ARMC10: variants seen among roughly 807,000 people sequenced by gnomAD.
The protein encoded by ARMC10 is armadillo repeat containing 10.
Under a neutral mutation model 30.2 loss-of-function variants are expected in ARMC10, and 23 were observed. The observed-to-expected ratio is 0.76, with a 90% CI of 0.55 to 1.08. The LOEUF is 1.08. Among genes scored for constraint, ARMC10 ranks in the 50% least tolerant of loss-of-function variants. ARMC10 has a pLI of 0.00. For synonymous variants in ARMC10, 111 were observed against 164.4 expected (o/e 0.68, Z 2.48); for missense variants, 303 against 413.7 (o/e 0.73, Z 2.32).
intron 5 of ARMC10, chr7:103,097,056 A>G (rs1801815042): frequency 1.7e-6 from 1 of 571,806 alleles, no homozygotes; most frequent in Non-Finnish European, 3.1e-6. Flanking sequence ...ACACTGTTCT[A>G]TGATAGGTTC....
chr7:103,078,509 G>T (rs1249242977), intron 2 of ARMC10, among the ~76,000 whole-genome samples: 1 of 152,126 alleles, frequency 6.6e-6, no homozygotes, highest in Admixed American at 6.6e-5. Flanking sequence ...TAAGTTTCCT[G>T]AGGCCTCCCC....
intron 2 of ARMC10, chr7:103,083,109 A>G (rs187526200): frequency 6.6e-6 from 3 of 456,724 alleles, no homozygotes; most frequent in African/African-American, 4.0e-5. Context: ...TAAAAGGAGA[A>G]GCAAAATGTT....
At chr7:103,081,967 C>G in intron 2 of ARMC10, 1 of 456,172 alleles carries the variant, frequency 2.2e-6, no homozygotes, top group South Asian at 1.5e-5. Flanking sequence ...TACTAACTAC[C>G]CCTGTGACTT....
Position 103,092,585 on chromosome 7 carries a change from CAGCACATGCTT to C in ARMC10, c.638_648del (p.Gln213ProfsTer31). Reference sequence around the variant, plus strand: ...AAACATGACTGTTACCAATGACCACCAGCACATGCTTCACAGTTACATTACAGACCTGTTCC... The same window carrying C: ...AAACATGACTGTTACCAATGACCACCCACAGTTACATTACAGACCTGTTCC... On this transcript the variant is annotated frameshift_variant, in exon 5 of 7. Coordinates refer to ENST00000323716, the MANE Select transcript of ARMC10 (RefSeq NM_031905.5). LOFTEE classifies it high-confidence loss of function. The C allele has an allele frequency of 6.2e-7, 1 of 1,609,352 alleles. No homozygotes were observed. The highest frequency in any genetic ancestry group is 8.5e-7 in the Non-Finnish European group (1 of 1,176,190).
chr7:103,075,757 A>T lies in ARMC10; in HGVS notation c.140-20A>T, dbSNP rs751783559. 4 of 1,581,224 alleles carry T rather than the reference A, an allele frequency of 2.5e-6. No individual in the cohort carries two copies. The highest frequency in any genetic ancestry group is 1.8e-5 in the Admixed American group (1 of 56,188). On this transcript the variant is annotated intron_variant, in intron 1 of 6. Coordinates refer to ENST00000323716, the MANE Select transcript of ARMC10 (RefSeq NM_031905.5). Reference sequence around the variant, plus strand: ...GGGCTGTTGAGGGGCCCAGAGCCATAGGTCAATCTCTGCTTGCAGGTGCCC... The same window carrying T: ...GGGCTGTTGAGGGGCCCAGAGCCATTGGTCAATCTCTGCTTGCAGGTGCCC...
At chr7:103,086,802 T>C in intron 4 of ARMC10, 38 bp downstream of exon 4, 1 of 1,584,628 alleles carries the variant, frequency 6.3e-7, no homozygotes. Context: ...TAAGGTTTTC[T>C]ATAAATAAAA....
chr7:103,078,063 T>A lies in ARMC10; in HGVS notation c.244+2182T>A, dbSNP rs572018645. The stretch of plus-strand genomic sequence containing the variant: ...CAGGCTGGAGTGCAGTGGCATGATC[T>A]CAGCTCACTGCAACCGCCACCTCAT... On this transcript the variant is annotated intron_variant, in intron 2 of 6. Coordinates refer to ENST00000323716, the MANE Select transcript of ARMC10 (RefSeq NM_031905.5). Among the ~76,000 whole-genome samples the A allele has an allele frequency of 1.4e-4, 21 of 152,268 alleles. No homozygotes were observed. The South Asian group carries it at 3.9e-3, about 29-fold the overall frequency.
intron 4 of ARMC10, among the ~76,000 whole-genome samples, chr7:103,087,123 A>T (rs1482161234): frequency 6.6e-6 from 1 of 152,222 alleles, no homozygotes; most frequent in Non-Finnish European, 1.5e-5. Context: ...ATTACAAGAG[A>T]TTCATTCAGG....
At chr7:103,076,468 G>GAGTACGCTTTCA (rs1799841428) in intron 2 of ARMC10, among the ~76,000 whole-genome samples, 1 of 152,128 alleles carries the variant, frequency 6.6e-6, no homozygotes, top group Non-Finnish European at 1.5e-5. Flanking sequence ...GTACGCTTTC[G>GAGTACGCTTTCA]AACAGTAGGC....
intron 2 of ARMC10, among the ~76,000 whole-genome samples, chr7:103,076,246 A>G (rs915779383): frequency 3.3e-5 from 5 of 152,194 alleles, no homozygotes; most frequent in Admixed American, 6.5e-5. Context: ...ATAAAAAATA[A>G]TTTGTCCTTA....
Position 103,075,220 on chromosome 7 carries a change from C to T in ARMC10, c.-53C>T, listed in dbSNP as rs1054721747. 5.3e-6 allele frequency: 6 copies of T among 1,132,766 alleles called. No individual in the cohort carries two copies. Among genetic ancestry groups the T allele is most frequent in the Non-Finnish European group, 6.5e-6 (6 of 924,372 alleles). The allele number at this position is 1,132,766 out of a possible 1,614,324, so 70.2% of individuals were successfully genotyped here. ...GTGCGCTGGAGACCTCCGCGCTGGC[C>T]CCCGCGAGCCTCCTGCCCTGGCCCG... On this transcript the variant is annotated 5_prime_UTR_variant, in exon 1 of 7. Coordinates refer to ENST00000323716, the MANE Select transcript of ARMC10 (RefSeq NM_031905.5).
intron 2 of ARMC10, among the ~76,000 whole-genome samples, chr7:103,082,089 CCTTT>C (rs1800435039): frequency 6.6e-6 from 1 of 152,126 alleles, no homozygotes; most frequent in South Asian, 2.1e-4. Flanking sequence ...ATCATTCTTT[CCTTT>C]ATCTTTTCAA....
intron 6 of ARMC10, 138 bp from the exon 7 acceptor site, chr7:103,098,161 T>C: frequency 9.9e-7 from 1 of 1,008,130 alleles, no homozygotes; most frequent in East Asian, 3.3e-5. Flanking sequence ...ATTTTTTTAA[T>C]GTGAGATACA....
At chr7:103,081,427 A>G (rs913395243) in intron 2 of ARMC10, among the ~76,000 whole-genome samples, 9 of 152,252 alleles carry the variant, frequency 5.9e-5, no homozygotes, top group Non-Finnish European at 7.3e-5. Context: ...GCTGGAGTGC[A>G]GTGATGCAAT....
chr7:103,098,690 G>T lies in ARMC10; in HGVS notation c.*137G>T. 2 of 1,397,416 alleles carry T rather than the reference G, an allele frequency of 1.4e-6. No homozygotes were observed. Among genetic ancestry groups the T allele is most frequent in the Non-Finnish European group, 9.5e-7 (1 of 1,052,944 alleles). The allele number at this position is 1,397,416 out of a possible 1,614,324, so 86.6% of individuals were successfully genotyped here. On this transcript the variant is annotated 3_prime_UTR_variant, in exon 7 of 7. Coordinates refer to ENST00000323716, the MANE Select transcript of ARMC10 (RefSeq NM_031905.5). ...GTCATTAACACAGCTATAACTTGCC[G>T]TGGTTCTCAGATTTATTTTGGACTA...
chr7:103,080,634 C>G (rs10232494), intron 2 of ARMC10, among the ~76,000 whole-genome samples: 16,635 of 151,788 alleles, frequency 0.11, 1,105 homozygotes, highest in East Asian at 0.3. Flanking sequence ...TTTATTTATT[C>G]ATTTATTTTT....
intron 5 of ARMC10, chr7:103,096,559 ATTTC>A (rs563248387): frequency 2.6e-4 from 40 of 152,234 alleles, no homozygotes; most frequent in African/African-American, 6.5e-4. Context: ...TAAAGATTAT[ATTTC>A]TTTATTTCTT....
At chr7:103,080,752 G>A (rs917266578) in intron 2 of ARMC10, among the ~76,000 whole-genome samples, 2 of 150,982 alleles carry the variant, frequency 1.3e-5, no homozygotes, top group South Asian at 2.1e-4. Context: ...CTCAGCCTCC[G>A]GAGTAGCTGA....
intron 2 of ARMC10, among the ~76,000 whole-genome samples, chr7:103,082,724 C>G (rs1022616090): frequency 6.6e-6 from 1 of 152,112 alleles, no homozygotes; most frequent in African/African-American, 2.4e-5. Context: ...TTGCCCCTCC[C>G]CCCACCACCC....
Sources: gnomAD v4.1 joint callset for allele counts (sites outside exome capture counted in the v4.1 genomes callset) on GRCh38, gnomAD v4.1.1 for gene constraint, MANE v1.5 for transcripts, NCBI Gene and HGNC (gene_info 2026-07-23, HGNC 2026-07-21) for gene names.